The following BPIFB1 variants were observed in gnomAD, a reference collection of about 807,000 sequenced individuals.
The protein encoded by BPIFB1 is BPI fold-containing family B member 1.
A neutral mutation model predicts 55.1 loss-of-function variants in BPIFB1; 34 were observed. The observed-to-expected ratio is 0.62, with a 90% CI of 0.47 to 0.82. The LOEUF is 0.82. Ranked by LOEUF, BPIFB1 falls within the 40% of genes least tolerant of loss-of-function variation. BPIFB1 has a pLI of 0.00. For synonymous variants in BPIFB1, 236 were observed against 245.3 expected (o/e 0.96, Z 0.35); for missense variants, 532 against 593.1 (o/e 0.90, Z 1.07).
chr20:33,303,348 C>T (rs997198824), intron 11 of BPIFB1, among the ~76,000 whole-genome samples: 1 of 152,176 alleles, frequency 6.6e-6, no homozygotes, highest in Non-Finnish European at 1.5e-5. Flanking sequence ...ATGCTATTGA[C>T]TTCGGGAATA....
In BPIFB1 at chr20:33,286,079, C is replaced by T. The variant is rs139597118; in HGVS notation, c.6C>T (p.Ala2=). 7 of 1,614,120 alleles carry T rather than the reference C, an allele frequency of 4.3e-6. No homozygotes were observed. Among genetic ancestry groups the T allele is most frequent in the South Asian group, 1.1e-5 (1 of 91,080 alleles). The change falls in exon 2 of 16, where the codon GCC becomes GCT. Residue 2 remains alanine (A), a synonymous_variant. Coordinates refer to ENST00000253354, the MANE Select transcript of BPIFB1 (RefSeq NM_033197.3). ...GCCCTCTGACACCTGGGAAGATGGC[C>T]GGCCCGTGGACCTTCACCCTTCTCT... M[A]GPWTFTLLCG... is the part of the protein sequence containing the mutation.
chr20:33,288,839 G>A lies in BPIFB1; in HGVS notation c.214G>A (p.Val72Met). Residue 72 changes from valine to methionine, a missense_variant, in exon 3 of 16, where the codon GTG becomes ATG. Coordinates refer to ENST00000253354, the MANE Select transcript of BPIFB1 (RefSeq NM_033197.3). Reference sequence around the variant, plus strand: ...GGAAAAGCCAGCCGGAGGCATCCCTGTGCTGGGCAGCCTGGTGAACACCGT... The same window carrying A: ...GGAAAAGCCAGCCGGAGGCATCCCTATGCTGGGCAGCCTGGTGAACACCGT... ...MREKPAGGIP[V>M]LGSLVNTVLK... The A allele has an allele frequency of 6.2e-7, 1 of 1,613,924 alleles. No homozygotes were observed. The highest frequency in any genetic ancestry group is 1.1e-5 in the South Asian group (1 of 91,076).
At chr20:33,291,629 TC>T (rs1319108494) in intron 5 of BPIFB1, among the ~76,000 whole-genome samples, 4 of 152,084 alleles carry the variant, frequency 2.6e-5, no homozygotes, top group African/African-American at 9.7e-5. Flanking sequence ...CGCCCCCCCT[TC>T]CCTTCTTAGC....
intron 8 of BPIFB1, among the ~76,000 whole-genome samples, chr20:33,300,447 G>C (rs1021218741): frequency 1.3e-5 from 2 of 152,242 alleles, no homozygotes; most frequent in African/African-American, 4.8e-5. Flanking sequence ...AGGATGAAAT[G>C]AGACCACACC....
intron 7 of BPIFB1, 66 bp downstream of exon 7, chr20:33,297,654 C>A: frequency 6.4e-7 from 1 of 1,566,928 alleles, no homozygotes; most frequent in Non-Finnish European, 8.8e-7. Flanking sequence ...ACCCTGACTC[C>A]ACCAAGGGAA....
chr20:33,308,844 T>C (rs879405098), intron 15 of BPIFB1, among the ~76,000 whole-genome samples: 16 of 138,296 alleles, frequency 1.2e-4, no homozygotes, highest in Admixed American at 1.1e-3. Flanking sequence ...ACACACATAA[T>C]ACACACACCA....
rs6059236 is a variant in BPIFB1 at position 33,289,409 on chromosome 20, C to A, written c.258-476C>A. ...AAAAAAAAAAACAAAAAAAAAAAAACAACCCAGAGCAAGGTTGTCTGGGGT... is the reference window on the plus strand; with the variant it reads ...AAAAAAAAAAACAAAAAAAAAAAAAAAACCCAGAGCAAGGTTGTCTGGGGT... On this transcript the variant is annotated intron_variant, in intron 3 of 15. Coordinates refer to ENST00000253354, the MANE Select transcript of BPIFB1 (RefSeq NM_033197.3). Among the ~76,000 whole-genome samples the A allele has an allele frequency of 8.8e-3, 1,176 of 132,986 alleles. 20 individuals carry two copies. The highest frequency in any genetic ancestry group is 0.029 in the African/African-American group (1,039 of 36,164). The allele number at this position is 132,986 out of a possible 152,430, so 87.2% of individuals were successfully genotyped here. A position where few individuals can be genotyped will look rare whatever the true frequency, so the allele number is the denominator to read the frequency against.
chr20:33,290,079 G>T, intron 4 of BPIFB1, 87 bp downstream of exon 4: 2 of 1,044,146 alleles, frequency 1.9e-6, no homozygotes, highest in Non-Finnish European at 3.0e-6. Context: ...CAGGTGTCTG[G>T]AAAAGAGAGT....
At chr20:33,299,095 T>A in intron 7 of BPIFB1, 1 of 456,406 alleles carries the variant, frequency 2.2e-6, no homozygotes, top group Non-Finnish European at 4.4e-6. Context: ...TGGCGGGCAC[T>A]ATACCCTCAT....
At position 33,297,769 on chromosome 20, in the gene BPIFB1, T is replaced by C. The variant is rs1980704010; in HGVS notation, c.661+181T>C. 7.7e-6 allele frequency: 5 copies of C among 653,542 alleles called. No homozygotes were observed. The Admixed American group carries it at 1.2e-4, about 15-fold the overall frequency. 40.5% of individuals were successfully genotyped at this position (653,542 alleles called of 1,614,324 possible). A position where few individuals can be genotyped will look rare whatever the true frequency, so the allele number is the denominator to read the frequency against. ...CGCGCAGACAGAAATTCGCCACGAC[T>C]AGGACTTCATGAGCTCTTACTATTT... is the stretch of plus-strand genomic sequence containing the variant. On this transcript the variant is annotated intron_variant, in intron 7 of 15. Transcript: ENST00000253354.
At chr20:33,300,632 G>T (rs1413941081) in intron 8 of BPIFB1, among the ~76,000 whole-genome samples, 1 of 152,176 alleles carries the variant, frequency 6.6e-6, no homozygotes, top group Non-Finnish European at 1.5e-5. Flanking sequence ...TGTCACCCAG[G>T]CTGGAGTGCA....
At chr20:33,293,810 C>T (rs762289941) in intron 6 of BPIFB1, among the ~76,000 whole-genome samples, 3 of 152,158 alleles carry the variant, frequency 2.0e-5, no homozygotes, top group Non-Finnish European at 2.9e-5. Flanking sequence ...CACTGCACTC[C>T]AGCCTAGGCA....
At chr20:33,305,698 G>A (rs1197982319) in intron 13 of BPIFB1, among the ~76,000 whole-genome samples, 1 of 152,120 alleles carries the variant, frequency 6.6e-6, no homozygotes, top group Non-Finnish European at 1.5e-5. Context: ...TTCAGGCAAT[G>A]CAGGGCAAAA....
chr20:33,286,001 C>A, intron 1 of BPIFB1, 32 bp from the exon 2 acceptor site: 2 of 1,464,900 alleles, frequency 1.4e-6, no homozygotes, highest in Middle Eastern at 2.0e-4. Flanking sequence ...CCCTTGGCCC[C>A]TCTGCCTCAG....
intron 10 of BPIFB1, 179 bp downstream of exon 10, chr20:33,302,591 A>T: frequency 1.4e-6 from 1 of 700,430 alleles, no homozygotes; most frequent in Non-Finnish European, 2.5e-6. Flanking sequence ...GCAAATCATC[A>T]CATGGATAGT....
chr20:33,286,263 G>C, intron 2 of BPIFB1, 75 bp downstream of exon 2: 1 of 1,306,640 alleles, frequency 7.7e-7, no homozygotes, highest in Non-Finnish European at 1.1e-6. Context: ...AGGAGGGAGA[G>C]AGTTCCTCAT....
chr20:33,285,741 A>G (rs1190427976), intron 1 of BPIFB1, among the ~76,000 whole-genome samples: 1 of 151,922 alleles, frequency 6.6e-6, no homozygotes, highest in Admixed American at 6.6e-5. Flanking sequence ...AAGAAAGAAA[A>G]TAGCTAATAC....
intron 14 of BPIFB1, chr20:33,306,708 G>T: frequency 1.7e-6 from 1 of 592,164 alleles, no homozygotes. Context: ...TTTTGTGAGG[G>T]GCCAGAAGCC....
chr20:33,289,242 A>G (rs1278437062), intron 3 of BPIFB1, among the ~76,000 whole-genome samples: 3 of 152,108 alleles, frequency 2.0e-5, no homozygotes, highest in Non-Finnish European at 2.9e-5. Context: ...TTAGCCAGGC[A>G]TGGTGGCAGA....
Sources: gnomAD v4.1 joint callset for allele counts (sites outside exome capture counted in the v4.1 genomes callset) on GRCh38, gnomAD v4.1.1 for gene constraint, MANE v1.5 for transcripts, NCBI Gene and HGNC (gene_info 2026-07-23, HGNC 2026-07-21) for gene names.